Variants in AKAP7 observed in about 807,000 individuals in gnomAD.
AKAP7 encodes A kinase (PRKA) anchor protein 7.
In AKAP7, 39 loss-of-function variants were observed where a neutral mutation model predicts 39.5. That is an observed-to-expected ratio of 0.99 (90% confidence interval 0.76 to 1.29). AKAP7 has a LOEUF of 1.29. Among genes scored for constraint, AKAP7 ranks in the 50% most tolerant of loss-of-function variants. AKAP7 has a pLI of 0.00. For missense variants in AKAP7, 414 were observed against 407.7 expected, an observed-to-expected ratio of 1.02 and a Z score of -0.13; for synonymous variants, 140 against 139.1, an observed-to-expected ratio of 1.01 and a Z score of -0.05.
intron 5 of AKAP7, among the ~76,000 whole-genome samples, chr6:131,174,392 G>A (rs770165219): frequency 2.0e-5 from 3 of 152,222 alleles, no homozygotes; most frequent in Non-Finnish European, 4.4e-5. Context: ...TTCAGCACAT[G>A]GGATTTTTGT....
chr6:131,136,387 G>T (rs534932202), intron 1 of AKAP7, among the ~76,000 whole-genome samples: 1 of 152,188 alleles, frequency 6.6e-6, no homozygotes, highest in Non-Finnish European at 1.5e-5. Flanking sequence ...TAGAGAAAAG[G>T]TGCTCCTCTG....
At chr6:131,162,558 C>T (rs1463811095) in intron 3 of AKAP7, among the ~76,000 whole-genome samples, 1 of 152,168 alleles carries the variant, frequency 6.6e-6, no homozygotes, top group African/African-American at 2.4e-5. Flanking sequence ...AGCCGTGTCA[C>T]CAACCTGCTT....
chr6:131,182,645 CTT>C (rs1435900346), intron 5 of AKAP7, among the ~76,000 whole-genome samples: 2 of 152,158 alleles, frequency 1.3e-5, no homozygotes, highest in Non-Finnish European at 2.9e-5. Flanking sequence ...GAGTTCAGAT[CTT>C]TTGGATATGT....
chr6:131,143,275 C>T (rs941944270), intron 1 of AKAP7, among the ~76,000 whole-genome samples: 1 of 152,012 alleles, frequency 6.6e-6, no homozygotes, highest in Admixed American at 6.6e-5. Context: ...GATGTAATCC[C>T]CAATGTTGGA....
intron 2 of AKAP7, among the ~76,000 whole-genome samples, chr6:131,155,121 A>C (rs1802307305): frequency 6.6e-6 from 1 of 152,136 alleles, no homozygotes; most frequent in Non-Finnish European, 1.5e-5. Context: ...TCCTGGGCTC[A>C]AGTGATTCTT....
intron 2 of AKAP7, among the ~76,000 whole-genome samples, chr6:131,156,308 T>G (rs923440620): frequency 2.0e-5 from 3 of 152,146 alleles, no homozygotes; most frequent in African/African-American, 7.2e-5. Context: ...GGGTCTTGCT[T>G]TTGAAATTTA....
rs534050216 is a variant in AKAP7 at position 131,200,935 on chromosome 6, T to G, written c.702+1362T>G. ...GGTAATATCTCCGTTTCAAAATGTT[T>G]CTTTGTCTTTATAATATTAACTTTG... On this transcript the variant is annotated intron_variant, in intron 6 of 7. Transcript: ENST00000431975. The G allele has an allele frequency of 2.6e-5, 4 of 152,324 alleles. No homozygotes were observed. The South Asian group carries it at 6.2e-4, about 24-fold the overall frequency. The allele number at this position is 152,324 out of a possible 1,614,324, so 9.4% of individuals were successfully genotyped here.
intron 3 of AKAP7, among the ~76,000 whole-genome samples, chr6:131,161,531 G>A (rs1246315821): frequency 1.3e-5 from 2 of 151,148 alleles, no homozygotes; most frequent in East Asian, 1.9e-4. Flanking sequence ...TGTGGTCCTA[G>A]CTACTTGGGA....
chr6:131,253,532 T>C (rs1812607393), intron 7 of AKAP7, among the ~76,000 whole-genome samples: 1 of 152,300 alleles, frequency 6.6e-6, no homozygotes, highest in East Asian at 1.9e-4. Context: ...CTTACTGTGC[T>C]GTCAAACATT....
rs1584915463 is a variant in AKAP7, at chr6:131,135,733, C to A, written c.-31C>A. Reference sequence around the variant, plus strand: ...GGCCCGCCACCGCCGCTGCCGCCAGCCCAGACGCGCCGCCCGCATGCGCCG... The same window carrying A: ...GGCCCGCCACCGCCGCTGCCGCCAGACCAGACGCGCCGCCCGCATGCGCCG... On this transcript the variant is annotated 5_prime_UTR_variant, in exon 1 of 8. Transcript: ENST00000431975. 4 of 1,214,856 alleles carry A rather than the reference C, an allele frequency of 3.3e-6. No individual in the cohort carries two copies. In the East Asian group the frequency reaches 1.3e-4, roughly 41 times the overall value. 75.3% of individuals were successfully genotyped at this position (1,214,856 alleles called of 1,614,324 possible). A position where few individuals can be genotyped will look rare whatever the true frequency, so the allele number is the denominator to read the frequency against.
At chr6:131,267,003 G>GTGTT (rs1267288523) in intron 7 of AKAP7, among the ~76,000 whole-genome samples, 5 of 152,138 alleles carry the variant, frequency 3.3e-5, no homozygotes, top group Non-Finnish European at 7.4e-5. Flanking sequence ...CCTATTTTAT[G>GTGTT]TGTTTGCTAG....
chr6:131,219,314 C>T (rs1249877969), intron 6 of AKAP7, among the ~76,000 whole-genome samples: 1 of 151,422 alleles, frequency 6.6e-6, no homozygotes, highest in Non-Finnish European at 1.5e-5. Flanking sequence ...AAAAATTATC[C>T]ATTTCTCCAT....
At chr6:131,133,248 T>C (rs1800367285), upstream of AKAP7, among the ~76,000 whole-genome samples, 1 of 152,234 alleles carries the variant, frequency 6.6e-6, no homozygotes, top group Admixed American at 6.5e-5. Context: ...TTCCTCATTT[T>C]TTGAGTATTA....
At chr6:131,182,021 G>C (rs774397227) in intron 5 of AKAP7, among the ~76,000 whole-genome samples, 14 of 151,874 alleles carry the variant, frequency 9.2e-5, no homozygotes, top group Admixed American at 1.3e-4. Context: ...ACCTGCTCAG[G>C]AGGCTGAGGC....
intron 7 of AKAP7, among the ~76,000 whole-genome samples, chr6:131,229,935 T>C (rs917275182): frequency 1.3e-5 from 2 of 152,212 alleles, no homozygotes; most frequent in African/African-American, 4.8e-5. Flanking sequence ...TTCTTTTTTA[T>C]GTCTGTGTAG....
At chr6:131,242,428 A>C (rs546921763) in intron 7 of AKAP7, among the ~76,000 whole-genome samples, 1 of 152,022 alleles carries the variant, frequency 6.6e-6, no homozygotes, top group East Asian at 1.9e-4. Flanking sequence ...TTTGTTTATT[A>C]GTGTGGAAGC....
chr6:131,126,392 A>G, the AKAP7 span, among the ~76,000 whole-genome samples: 2 of 152,224 alleles, frequency 1.3e-5, no homozygotes, highest in African/African-American at 4.8e-5. Flanking sequence ...CCACAAATGT[A>G]ACAAGTTTAT....
chr6:131,145,318 C>G lies in AKAP7; in HGVS notation c.53C>G (p.Ser18Ter). 2 of 1,545,446 alleles carry G rather than the reference C, an allele frequency of 1.3e-6. No homozygotes were observed. ...AATTCCAATGAGTGTGAAAATGTATCAAGAAAAAAGAAAATGTCAGAGGAA... is the reference window on the plus strand; with the variant it reads ...AATTCCAATGAGTGTGAAAATGTATGAAGAAAAAAGAAAATGTCAGAGGAA... ...GINSNECENVSRKKKMSEEFE... is the reference protein window; with the variant it reads ...GINSNECENV Residue 18 changes from serine (S) to a stop codon, truncating the protein, a stop_gained, in exon 2 of 8, where the codon TCA (serine) becomes TGA (stop). Coordinates refer to ENST00000431975, the MANE Select transcript of AKAP7 (RefSeq NM_016377.4). LOFTEE classifies it high-confidence loss of function.
chr6:131,170,019 C>G (rs189332542), intron 5 of AKAP7, among the ~76,000 whole-genome samples: 1 of 151,126 alleles, frequency 6.6e-6, no homozygotes, highest in Non-Finnish European at 1.5e-5. Context: ...CCCTCCTTCT[C>G]TTTGTGTATC....
Sources: allele counts gnomAD v4.1 joint callset (sites outside exome capture counted in the v4.1 genomes callset), GRCh38; gene constraint gnomAD v4.1.1; transcripts MANE v1.5; gene names NCBI Gene and HGNC (gene_info 2026-07-23, HGNC 2026-07-21).